NLRP5: variants seen among roughly 807,000 people sequenced by gnomAD.
NLRP5 encodes NLR family pyrin domain containing 5.
NLRP5 carries 93 observed loss-of-function variants against 113.1 expected under a neutral mutation model. The ratio of observed to expected loss-of-function variants is 0.82; its 90% CI spans 0.70 to 0.98. NLRP5 has a LOEUF of 0.98. Among genes scored for constraint, NLRP5 ranks in the 50% least tolerant of loss-of-function variants. The pLI, the probability that NLRP5 is intolerant of heterozygous loss-of-function variation, is 0.00. For missense variants in NLRP5, 1,808 were observed against 1,514.3 expected (o/e 1.19, Z -3.22); for synonymous variants, 751 against 600.7 (o/e 1.25, Z -3.66).
chr19:56,037,693 CAAAAAAA>C (rs11301032), intron 9 of NLRP5, among the ~76,000 whole-genome samples: 3 of 87,724 alleles, frequency 3.4e-5, no homozygotes, highest in Non-Finnish European at 4.6e-5. Flanking sequence ...GACCCTGTCT[CAAAAAAA>C]AAAAAAAAAA....
chr19:56,024,559 A>T (rs1982761939), intron 6 of NLRP5, among the ~76,000 whole-genome samples: 1 of 143,862 alleles, frequency 7.0e-6, no homozygotes, highest in Non-Finnish European at 1.5e-5. Context: ...ATGTGTATAT[A>T]TGTATATATA....
chr19:56,025,354 G>A lies in NLRP5; in HGVS notation c.680-1559G>A, dbSNP rs963530973. On this transcript the variant is annotated intron_variant, in intron 6 of 14. Transcript: ENST00000390649. ...CTACCGTAGAGCTTGGGTTCCAGGC[G>A]GGATCTGTTTGACCTCAAGGAACGT... is the stretch of plus-strand genomic sequence containing the variant. Among the ~76,000 whole-genome samples, 16 of 150,054 alleles carry A rather than the reference G, an allele frequency of 1.1e-4. 1 individual carries two copies. Among genetic ancestry groups the A allele is most frequent in the Admixed American group, 4.7e-4 (7 of 14,998 alleles).
chr19:56,048,979 A>ATTTTTTTTTTTTTTT (rs60229740), intron 11 of NLRP5, among the ~76,000 whole-genome samples: 2 of 94,976 alleles, frequency 2.1e-5, no homozygotes, highest in African/African-American at 8.7e-5. Context: ...TTTTTTTTTA[A>ATTTTTTTTTTTTTTT]TTTTTTTTTT....
At chr19:56,030,534 CT>C (rs1983057080) in intron 7 of NLRP5, among the ~76,000 whole-genome samples, 1 of 152,154 alleles carries the variant, frequency 6.6e-6, no homozygotes, top group African/African-American at 2.4e-5. Flanking sequence ...TTGCCCGTTA[CT>C]TTGTTCTTTC....
In NLRP5 at chr19:56,040,887, C is replaced by A. The variant is rs746338895; in HGVS notation, c.2787-35C>A. On this transcript the variant is annotated intron_variant, in intron 10 of 14. Coordinates refer to ENST00000390649, the MANE Select transcript of NLRP5 (RefSeq NM_153447.4). ...GAAAGATGGAACTTTAAGAAGGCAT[C>A]TCATCATGTCCTCTCTGGGGCTCTC... 4.4e-6 allele frequency: 7 copies of A among 1,581,194 alleles called. No homozygotes were observed. In the Admixed American group the frequency reaches 7.0e-5, roughly 16 times the overall value.
Position 56,028,158 on chromosome 19 carries a change from G to A in NLRP5, c.1925G>A (p.Ser642Asn). 6.2e-7 allele frequency: 1 copy of A among 1,614,012 alleles called. No homozygotes were observed. The highest frequency in any genetic ancestry group is 8.5e-7 in the Non-Finnish European group (1 of 1,179,898). The change falls in exon 7 of 15, where the codon AGC becomes AAC. Residue 642 changes from serine (S) to asparagine (N), a missense_variant. Transcript: ENST00000390649. Reference sequence around the variant, plus strand: ...AAGCGTTTCTTGTTTGGCCTCGTGAGCGAAGACGTAAGGAGGCCACTGGAG... The same window carrying A: ...AAGCGTTTCTTGTTTGGCCTCGTGAACGAAGACGTAAGGAGGCCACTGGAG...
Position 56,027,075 on chromosome 19 carries a change from C to T in NLRP5, c.842C>T (p.Thr281Met), listed in dbSNP as rs45627733. The T allele has an allele frequency of 2.4e-3, 3,806 of 1,560,212 alleles. 3 individuals carry two copies. Among genetic ancestry groups the T allele is most frequent in the Non-Finnish European group, 3.0e-3 (3,500 of 1,152,212 alleles). ...GACCGGTGGGGCTTCCGGCCTCGCACGGTGGTTCTGCACGGAAAGTCAGGA... is the reference window on the plus strand; with the variant it reads ...GACCGGTGGGGCTTCCGGCCTCGCATGGTGGTTCTGCACGGAAAGTCAGGA... Residue 281 changes from threonine to methionine, a missense_variant, in exon 7 of 15, where the codon ACG becomes ATG. Physicochemically the swap from Thr to Met is moderately conservative, Grantham distance 81 (BLOSUM62 -1). Transcript: ENST00000390649.
rs114438643 is a variant in NLRP5 at position 56,018,193 on chromosome 19, C to T, written c.566-1149C>T. 5.9e-3 allele frequency among the ~76,000 whole-genome samples: 894 copies of T among 152,226 alleles called. 6 individuals are homozygous for T. Among genetic ancestry groups the T allele is most frequent in the African/African-American group, 0.021 (857 of 41,540 alleles). On this transcript the variant is annotated intron_variant, in intron 4 of 14. Coordinates refer to ENST00000390649, the MANE Select transcript of NLRP5 (RefSeq NM_153447.4). ...AAAATTTACGCCTGTAACTTGATTCCCATGCTTAAAAATCCTTAAGTGGTT... is the reference window on the plus strand; with the variant it reads ...AAAATTTACGCCTGTAACTTGATTCTCATGCTTAAAAATCCTTAAGTGGTT...
intron 9 of NLRP5, among the ~76,000 whole-genome samples, chr19:56,036,622 G>A (rs1983327889): frequency 6.6e-6 from 1 of 152,182 alleles, no homozygotes; most frequent in African/African-American, 2.4e-5. Flanking sequence ...ACACACGGCA[G>A]GAGCATGTAT....
chr19:56,015,924 TGA>T, intron 4 of NLRP5, 126 bp downstream of exon 4: 2 of 612,246 alleles, frequency 3.3e-6, no homozygotes, highest in Middle Eastern at 2.6e-4. Flanking sequence ...CTCTGGTGTG[TGA>T]GTCCCTCTTC....
At chr19:55,987,897 C>T in the NLRP5 span, 1 of 1,613,286 alleles carries the variant, frequency 6.2e-7, no homozygotes, top group Non-Finnish European at 8.5e-7. Flanking sequence ...GACTGCCTAT[C>T]CCAGATTAAT....
chr19:56,055,627 G>A (rs866187915), intron 13 of NLRP5, among the ~76,000 whole-genome samples: 1 of 132,674 alleles, frequency 7.5e-6, no homozygotes, highest in Non-Finnish European at 1.6e-5. Context: ...CTCACTGCAA[G>A]CTCCGCCTCC....
At chr19:56,034,034 C>T (rs995785332) in intron 9 of NLRP5, among the ~76,000 whole-genome samples, 1 of 152,232 alleles carries the variant, frequency 6.6e-6, no homozygotes, top group Non-Finnish European at 1.5e-5. Flanking sequence ...CCTCCCAGAG[C>T]ACTGGGATTA....
chr19:56,047,061 T>C (rs1252495743), intron 11 of NLRP5, among the ~76,000 whole-genome samples: 1 of 11,366 alleles, frequency 8.8e-5, no homozygotes, highest in East Asian at 4.9e-4. Context: ...CCTTGAATGA[T>C]CTTTTGTTTT....
At chr19:55,998,667 T>TGTGTGTGTGTGA (rs1981428080), upstream of NLRP5, among the ~76,000 whole-genome samples, 2 of 67,914 alleles carry the variant, frequency 2.9e-5, no homozygotes, top group African/African-American at 1.2e-4. Context: ...TATGTGTGTG[T>TGTGTGTGTGTGA]GTGTGTATAT....
intron 3 of NLRP5, among the ~76,000 whole-genome samples, chr19:56,011,328 G>A (rs1025033149): frequency 2.0e-5 from 3 of 151,964 alleles, no homozygotes; most frequent in Non-Finnish European, 4.4e-5. Flanking sequence ...GTTGCCTAGG[G>A]CTGGGGTGAA....
chr19:56,025,281 CT>C (rs1568490002), intron 6 of NLRP5, among the ~76,000 whole-genome samples: 1 of 152,164 alleles, frequency 6.6e-6, no homozygotes, highest in African/African-American at 2.4e-5. Context: ...GAAAAATTGT[CT>C]TCCACAAAAC....
chr19:55,992,925 C>T, the NLRP5 span, among the ~76,000 whole-genome samples: 1 of 151,970 alleles, frequency 6.6e-6, no homozygotes, highest in Non-Finnish European at 1.5e-5. Context: ...TCTTGGCTCA[C>T]TGCAACCTCT....
intron 10 of NLRP5, among the ~76,000 whole-genome samples, chr19:56,038,548 C>T (rs958382254): frequency 1.3e-5 from 2 of 152,060 alleles, no homozygotes; most frequent in African/African-American, 4.8e-5. Context: ...AGAGGTATAC[C>T]CACTCAGTCA....
Sources: allele counts gnomAD v4.1 joint callset (sites outside exome capture counted in the v4.1 genomes callset), GRCh38; gene constraint gnomAD v4.1.1; transcripts MANE v1.5; gene names NCBI Gene and HGNC (gene_info 2026-07-23, HGNC 2026-07-21).